Variants in OPCML observed in about 807,000 individuals in gnomAD.
OPCML encodes opioid-binding protein/cell adhesion molecule.
OPCML carries 13 observed loss-of-function variants against 37.8 expected under a neutral mutation model. The observed-to-expected ratio is 0.34, with a 90% CI of 0.22 to 0.55. The LOEUF (loss-of-function observed/expected upper bound fraction) is 0.55, where lower values mean the gene tolerates loss of function less well. OPCML is among the 20% of genes least tolerant of loss of function. The pLI is 0.91. For synonymous variants in OPCML, 176 were observed against 168.8 expected (o/e 1.04, Z -0.33); for missense variants, 341 against 435.6 (o/e 0.78, Z 1.93).
intron 1 of OPCML, among the ~76,000 whole-genome samples, chr11:133,323,393 G>A (rs1440983123): frequency 2.0e-5 from 3 of 152,184 alleles, no homozygotes; most frequent in Admixed American, 2.0e-4. Context: ...AAACAAATCT[G>A]AATGTAAATG....
At chr11:132,783,682 C>T (rs530396586) in intron 2 of OPCML, among the ~76,000 whole-genome samples, 1 of 151,550 alleles carries the variant, frequency 6.6e-6, no homozygotes, top group South Asian at 2.1e-4. Context: ...ATCAGTAAGT[C>T]ATTTCCTAAT....
At chr11:132,627,458 A>T (rs1287282942) in intron 3 of OPCML, among the ~76,000 whole-genome samples, 2 of 152,246 alleles carry the variant, frequency 1.3e-5, no homozygotes, top group Non-Finnish European at 2.9e-5. Context: ...ATGCAATGAC[A>T]TGTAGGTATG....
intron 2 of OPCML, among the ~76,000 whole-genome samples, chr11:132,903,089 T>A (rs1206984110): frequency 1.3e-5 from 2 of 152,210 alleles, no homozygotes; most frequent in African/African-American, 4.8e-5. Context: ...TCTCTTTCAT[T>A]TAAGCCTCAA....
intron 1 of OPCML, among the ~76,000 whole-genome samples, chr11:133,169,469 G>A (rs976866969): frequency 6.6e-6 from 1 of 152,198 alleles, no homozygotes; most frequent in African/African-American, 2.4e-5. Flanking sequence ...TAACTTCAGA[G>A]AGCCAATTAT....
intron 1 of OPCML, among the ~76,000 whole-genome samples, chr11:133,073,071 C>A (rs534115525): frequency 6.6e-6 from 1 of 152,322 alleles, no homozygotes; most frequent in South Asian, 2.1e-4. Context: ...CAGTCCTGAA[C>A]AGCCTTCTGA....
chr11:132,471,960 C>T (rs562314049), intron 4 of OPCML, among the ~76,000 whole-genome samples: 1 of 152,144 alleles, frequency 6.6e-6, no homozygotes, highest in Non-Finnish European at 1.5e-5. Context: ...AACACAGACA[C>T]GGTGGAGGAG....
intron 1 of OPCML, among the ~76,000 whole-genome samples, chr11:133,509,692 G>C (rs1948112249): frequency 6.6e-6 from 1 of 152,152 alleles, no homozygotes; most frequent in South Asian, 2.1e-4. Context: ...GGTTAACCAA[G>C]CTGCCCGAGG....
chr11:133,464,068 A>T (rs562478375), intron 1 of OPCML, among the ~76,000 whole-genome samples: 20,077 of 152,050 alleles, frequency 0.13, 3,157 homozygotes, highest in African/African-American at 0.37. Flanking sequence ...ATAGATCCCA[A>T]CAGATAAGAG....
chr11:133,138,112 C>T (rs188790325), intron 1 of OPCML, among the ~76,000 whole-genome samples: 49 of 152,222 alleles, frequency 3.2e-4, no homozygotes, highest in African/African-American at 1.1e-3. Flanking sequence ...TTCTTGAAAG[C>T]GAGTTCTCAC....
At chr11:133,496,133 C>T (rs951371131) in intron 1 of OPCML, among the ~76,000 whole-genome samples, 1 of 152,136 alleles carries the variant, frequency 6.6e-6, no homozygotes, top group Non-Finnish European at 1.5e-5. Flanking sequence ...AGCCAATTAT[C>T]CCAGCATCAT....
At chr11:133,010,400 CA>C (rs1947192926) in intron 1 of OPCML, among the ~76,000 whole-genome samples, 1 of 152,194 alleles carries the variant, frequency 6.6e-6, no homozygotes, top group Non-Finnish European at 1.5e-5. Context: ...CAAGAGGAGG[CA>C]GCTTGGAAGT....
intron 2 of OPCML, among the ~76,000 whole-genome samples, chr11:132,879,012 T>C (rs556639567): frequency 5.9e-5 from 9 of 152,318 alleles, no homozygotes; most frequent in African/African-American, 1.9e-4. Context: ...TTGCTTAATA[T>C]AGATGACAAG....
At chr11:133,018,247 A>G (rs1324301071) in intron 1 of OPCML, among the ~76,000 whole-genome samples, 2 of 152,246 alleles carry the variant, frequency 1.3e-5, no homozygotes, top group Admixed American at 6.5e-5. Flanking sequence ...TTGGCCCCCT[A>G]TTAAAATGTA....
intron 1 of OPCML, among the ~76,000 whole-genome samples, chr11:133,086,605 G>T (rs774482712): frequency 6.6e-6 from 1 of 150,838 alleles, no homozygotes; most frequent in Non-Finnish European, 1.5e-5. Context: ...GTAATGCATG[G>T]TGTAATGCAT....
At chr11:132,912,761 C>T (rs1295299649) in intron 2 of OPCML, among the ~76,000 whole-genome samples, 1 of 152,206 alleles carries the variant, frequency 6.6e-6, no homozygotes, top group African/African-American at 2.4e-5. Context: ...CAGCCCACAT[C>T]GCTCCATATT....
At chr11:132,505,889 G>GA (rs11422533) in intron 4 of OPCML, among the ~76,000 whole-genome samples, 25,949 of 139,538 alleles carry the variant, frequency 0.19, 2,322 homozygotes, top group African/African-American at 0.19. Flanking sequence ...CACTTTCTGC[G>GA]AAAAAAAAAA....
chr11:133,308,070 C>T (rs1942971980), intron 1 of OPCML, among the ~76,000 whole-genome samples: 1 of 152,130 alleles, frequency 6.6e-6, no homozygotes, highest in African/African-American at 2.4e-5. Context: ...ACACTTGAGC[C>T]TTTGTCTTAT....
At chr11:133,001,350 C>A (rs1591898466) in intron 1 of OPCML, among the ~76,000 whole-genome samples, 1 of 152,088 alleles carries the variant, frequency 6.6e-6, no homozygotes, top group African/African-American at 2.4e-5. Flanking sequence ...TAAGAGTGAA[C>A]CTTTATAACA....
At chr11:133,421,668 C>T (rs1449209177) in intron 1 of OPCML, 1 of 985,206 alleles carries the variant, frequency 1.0e-6, no homozygotes, top group South Asian at 4.7e-5. Flanking sequence ...CTAAATGAAC[C>T]CTTTATTTAT....
Sources: allele counts gnomAD v4.1 joint callset (sites outside exome capture counted in the v4.1 genomes callset), GRCh38; gene constraint gnomAD v4.1.1; transcripts MANE v1.5; gene names NCBI Gene and HGNC (gene_info 2026-07-23, HGNC 2026-07-21).